KDM6A: variants seen among roughly 807,000 people sequenced by gnomAD.
The protein encoded by KDM6A is lysine demethylase 6A.
KDM6A carries 11 observed loss-of-function variants against 117.6 expected under a neutral mutation model. The ratio of observed to expected loss-of-function variants is 0.09; its 90% CI spans 0.06 to 0.15. The LOEUF (loss-of-function observed/expected upper bound fraction) is 0.15. KDM6A is among the 10% of genes least tolerant of loss of function. The pLI, the probability that KDM6A is intolerant of heterozygous loss-of-function variation, is 1.00. For synonymous variants in KDM6A, 384 were observed against 396.1 expected (o/e 0.97, Z 0.36); for missense variants, 799 against 1,077.3 (o/e 0.74, Z 3.62).
At chrX:45,061,245 G>T (rs2147972939) in intron 14 of KDM6A, 79 bp from the exon 15 acceptor site, 1 of 517,047 alleles carries the variant, frequency 1.9e-6, no homozygotes, top group South Asian at 3.0e-5. Flanking sequence ...ATAGTCATTT[G>T]GCCTCCTCTA....
chrX:44,986,142 G>A (rs1446604084), intron 4 of KDM6A, among the ~76,000 whole-genome samples: 1 of 111,675 alleles, frequency 9.0e-6, no homozygotes, highest in African/African-American at 3.3e-5. Context: ...TCTTGGGAGG[G>A]TGTATGTGTC....
chrX:44,883,570 C>T (rs2032528758), intron 2 of KDM6A, among the ~76,000 whole-genome samples: 1 of 109,687 alleles, frequency 9.1e-6, no homozygotes, highest in Non-Finnish European at 1.9e-5. Flanking sequence ...GATGGGGTTT[C>T]ACCATGTTGG....
At chrX:44,917,567 T>A (rs1466219628) in intron 2 of KDM6A, among the ~76,000 whole-genome samples, 2 of 112,223 alleles carry the variant, frequency 1.8e-5, no homozygotes, top group Non-Finnish European at 3.8e-5. Flanking sequence ...GTGAGCTGTT[T>A]ATATGAGTTG....
chrX:44,989,466 G>T (rs565248516), intron 4 of KDM6A, among the ~76,000 whole-genome samples: 1 of 109,410 alleles, frequency 9.1e-6, no homozygotes, highest in African/African-American at 3.3e-5. Flanking sequence ...AGTTGGAAAT[G>T]CAGAAATCAC....
chrX:45,074,074 G>A (rs898449937), intron 18 of KDM6A, among the ~76,000 whole-genome samples: 4 of 111,853 alleles, frequency 3.6e-5, no homozygotes, highest in South Asian at 3.7e-4. Context: ...AAGGGATCCC[G>A]TTTCAGCTTT....
intron 2 of KDM6A, among the ~76,000 whole-genome samples, chrX:44,940,137 C>G (rs2037209222): frequency 9.0e-6 from 1 of 111,314 alleles, no homozygotes; most frequent in African/African-American, 3.3e-5. Context: ...ACTGCAAGCT[C>G]TGCTTCCTGG....
At chrX:44,895,578 C>T (rs191479043) in intron 2 of KDM6A, among the ~76,000 whole-genome samples, 1 of 104,187 alleles carries the variant, frequency 9.6e-6, no homozygotes, top group Admixed American at 1.1e-4. Flanking sequence ...GGTTCTTGAG[C>T]TTGGAAGTTG....
In KDM6A at chrX:45,079,201, A is replaced by T. The variant is rs2148118908; in HGVS notation, c.3150A>T (p.Val1050=). Residue 1050 remains valine (V), a synonymous_variant, in exon 21 of 30, where the codon GTA becomes GTT. Coordinates refer to ENST00000611820, the MANE Select transcript of KDM6A (RefSeq NM_001291415.2). ...TLVEANNEHM[V]EVRTQLLQPA... is the part of the protein sequence containing the mutation. The stretch of plus-strand genomic sequence containing the variant: ...TGGAAGCTAACAATGAACATATGGT[A>T]GAAGTGAGGACACAGTTGTTGCAGC... 8.3e-7 allele frequency: 1 copy of T among 1,210,958 alleles called. No homozygotes were observed. Among genetic ancestry groups the T allele is most frequent in the Non-Finnish European group, 1.1e-6 (1 of 894,641 alleles).
At chrX:44,979,021 G>C (rs924881343) in intron 4 of KDM6A, among the ~76,000 whole-genome samples, 1 of 112,050 alleles carries the variant, frequency 8.9e-6, no homozygotes, top group African/African-American at 3.2e-5. Context: ...TTTTGGTTAT[G>C]AATAAAGTGC....
chrX:44,912,420 A>G (rs1450271965), intron 2 of KDM6A, among the ~76,000 whole-genome samples: 1 of 111,900 alleles, frequency 8.9e-6, no homozygotes, highest in East Asian at 2.8e-4. Context: ...TGTTTATTAG[A>G]ATTTTCTTTT....
At chrX:45,054,425 A>C (rs1355720906) in intron 10 of KDM6A, among the ~76,000 whole-genome samples, 6 of 112,046 alleles carry the variant, frequency 5.4e-5, no homozygotes, top group Non-Finnish European at 1.1e-4. Flanking sequence ...AGTAAATCTC[A>C]AATCACAGTT....
intron 3 of KDM6A, among the ~76,000 whole-genome samples, chrX:44,973,464 C>T (rs957387547): frequency 2.7e-5 from 3 of 111,574 alleles, no homozygotes; most frequent in African/African-American, 9.8e-5. Context: ...GGAGACTTTG[C>T]GTATCAGAAA....
Position 45,112,173 on chromosome X carries a change from C to A in KDM6A, c.*762C>A. 1.2e-5 allele frequency: 2 copies of A among 163,454 alleles called. No homozygotes were observed. The highest frequency in any genetic ancestry group is 2.4e-5 in the Non-Finnish European group (2 of 84,061). The allele number at this position is 163,454 out of a possible 1,213,427, so 13.5% of individuals were successfully genotyped here. A position where few individuals can be genotyped will look rare whatever the true frequency, so the allele number is the denominator to read the frequency against. On this transcript the variant is annotated 3_prime_UTR_variant, in exon 30 of 30. Transcript: ENST00000611820. ...GAGTTCTGTAATTTCAAACACTACT[C>A]CTATTACATTTTCTATGTGTAAATA...
chrX:44,892,078 T>C (rs2033410769), intron 2 of KDM6A, among the ~76,000 whole-genome samples: 1 of 112,395 alleles, frequency 8.9e-6, no homozygotes, highest in Non-Finnish European at 1.9e-5. Flanking sequence ...GAAGTTACTA[T>C]TTATTCCTAA....
At chrX:45,084,657 A>G (rs1480410689) in intron 24 of KDM6A, among the ~76,000 whole-genome samples, 2 of 110,470 alleles carry the variant, frequency 1.8e-5, no homozygotes, top group African/African-American at 3.3e-5. Flanking sequence ...GGGTCTTGCT[A>G]TGTCACTCAG....
At chrX:44,963,479 G>C (rs184935160) in intron 3 of KDM6A, among the ~76,000 whole-genome samples, 4,726 of 25,332 alleles carry the variant, frequency 0.19, 147 homozygotes, top group African/African-American at 0.28. Flanking sequence ...GTGTGTGTGT[G>C]TGTGTGTCTG....
At position 45,111,412 on chromosome X, in the gene KDM6A, T is replaced by C. The variant is rs1175477681; in HGVS notation, c.*1T>C. The C allele has an allele frequency of 8.4e-7, 1 of 1,193,580 alleles. No individual in the cohort carries two copies. The highest frequency in any genetic ancestry group is 1.1e-6 in the Non-Finnish European group (1 of 879,474). On this transcript the variant is annotated 3_prime_UTR_variant, in exon 30 of 30. Coordinates refer to ENST00000611820, the MANE Select transcript of KDM6A (RefSeq NM_001291415.2). ...TCCATTACCATCCGCCTCATCTTGATATTGTTCCATGGACATTAAATGAGA... is the reference window on the plus strand; with the variant it reads ...TCCATTACCATCCGCCTCATCTTGACATTGTTCCATGGACATTAAATGAGA...
intron 6 of KDM6A, among the ~76,000 whole-genome samples, chrX:45,023,006 C>T (rs1298774849): frequency 2.7e-5 from 3 of 112,008 alleles, no homozygotes; most frequent in Non-Finnish European, 3.8e-5. Flanking sequence ...GAGAAAGATC[C>T]TGGTTGCCTG....
chrX:44,892,742 G>T (rs1430083672), intron 2 of KDM6A, among the ~76,000 whole-genome samples: 1 of 109,462 alleles, frequency 9.1e-6, no homozygotes, highest in Non-Finnish European at 1.9e-5. Flanking sequence ...GGTGGCTCAT[G>T]CCTGTAATCC....
Sources: gnomAD v4.1 joint callset for allele counts (sites outside exome capture counted in the v4.1 genomes callset) on GRCh38, gnomAD v4.1.1 for gene constraint, MANE v1.5 for transcripts, NCBI Gene and HGNC (gene_info 2026-07-23, HGNC 2026-07-21) for gene names.